EXT1: variants seen among roughly 807,000 people sequenced by gnomAD.
EXT1 encodes exostosin glycosyltransferase 1, also known as exostosin-1.
A neutral mutation model predicts 82.5 loss-of-function variants in EXT1; 20 were observed. The observed-to-expected ratio is 0.24, with a 90% CI of 0.17 to 0.35. The LOEUF (loss-of-function observed/expected upper bound fraction) is 0.35. EXT1 is among the 10% of genes least tolerant of loss of function. The pLI is 1.00. For synonymous variants in EXT1, 348 were observed against 350.8 expected (o/e 0.99, Z 0.09); for missense variants, 757 against 936.5 (o/e 0.81, Z 2.50).
intron 1 of EXT1, among the ~76,000 whole-genome samples, chr8:117,929,009 C>T (rs990438346): frequency 6.6e-6 from 1 of 152,136 alleles, no homozygotes; most frequent in African/African-American, 2.4e-5. Context: ...GATAGTGGAT[C>T]ATTTGCATTA....
chr8:117,973,889 G>GGAAA (rs1563617679), intron 1 of EXT1, among the ~76,000 whole-genome samples: 4 of 105,248 alleles, frequency 3.8e-5, no homozygotes, highest in Non-Finnish European at 5.9e-5. Context: ...AGGAAAGGAA[G>GGAAA]GAAAGGAAAG....
chr8:117,915,700 C>T (rs1357281620), intron 1 of EXT1, among the ~76,000 whole-genome samples: 1 of 152,034 alleles, frequency 6.6e-6, no homozygotes, highest in East Asian at 1.9e-4. Flanking sequence ...GCTAAAAATA[C>T]AGAAAGTTAG....
chr8:117,822,734 T>TA, intron 4 of EXT1, 137 bp from the exon 5 acceptor site: 1 of 888,624 alleles, frequency 1.1e-6, no homozygotes. Flanking sequence ...ATTCTCCGGA[T>TA]AAAAATGTCT....
intron 1 of EXT1, among the ~76,000 whole-genome samples, chr8:118,107,921 A>G (rs1038316166): frequency 6.6e-6 from 1 of 152,190 alleles, no homozygotes; most frequent in Admixed American, 6.5e-5. Flanking sequence ...TCCCTGCTAA[A>G]GAGATCCCTG....
At chr8:117,860,903 C>T (rs929454991) in intron 1 of EXT1, among the ~76,000 whole-genome samples, 4 of 152,232 alleles carry the variant, frequency 2.6e-5, no homozygotes, top group Non-Finnish European at 5.9e-5. Context: ...TCAGATACAA[C>T]TCATCTCAGA....
At position 117,819,804 on chromosome 8, in the gene EXT1, AAAG is replaced by A. The variant is rs1203626052; in HGVS notation, c.1418-13_1418-11del. The A allele has an allele frequency of 3.1e-6, 5 of 1,610,094 alleles. No individual in the cohort carries two copies. The highest frequency in any genetic ancestry group is 4.2e-6 in the Non-Finnish European group (5 of 1,176,892). On this transcript the variant is annotated splice_polypyrimidine_tract_variant and intron_variant, in intron 5 of 10. Coordinates refer to ENST00000378204, the MANE Select transcript of EXT1 (RefSeq NM_000127.3). ...GAGGGGGGCTTTAAACCTGAAATAA[AAAG>A]GAGAGTAGAGCCTAATGAAGCGCTG...
intron 1 of EXT1, among the ~76,000 whole-genome samples, chr8:117,873,454 T>A (rs897750722): frequency 4.8e-5 from 7 of 145,366 alleles, no homozygotes; most frequent in African/African-American, 1.8e-4. Context: ...TGACTTTTTT[T>A]TTTTTTTTTT....
intron 1 of EXT1, among the ~76,000 whole-genome samples, chr8:117,847,334 A>G (rs1028616925): frequency 1.3e-5 from 2 of 152,190 alleles, no homozygotes; most frequent in African/African-American, 4.8e-5. Flanking sequence ...TTACTTGGGG[A>G]ATGAAAAATC....
At chr8:117,996,489 C>T (rs1815541303) in intron 1 of EXT1, among the ~76,000 whole-genome samples, 1 of 152,226 alleles carries the variant, frequency 6.6e-6, no homozygotes, top group Non-Finnish European at 1.5e-5. Flanking sequence ...CACAACGCTG[C>T]TTCAGATGAT....
intron 1 of EXT1, among the ~76,000 whole-genome samples, chr8:118,083,263 G>A (rs796277368): frequency 5.3e-5 from 8 of 152,256 alleles, no homozygotes; most frequent in African/African-American, 1.2e-4. Flanking sequence ...CTTAATAAAC[G>A]CATACTCAAT....
chr8:117,960,296 G>A (rs1814674567), intron 1 of EXT1, among the ~76,000 whole-genome samples: 1 of 152,164 alleles, frequency 6.6e-6, no homozygotes. Flanking sequence ...CAAATTTAGT[G>A]CAATTTGCAC....
At chr8:118,017,520 T>TC (rs886201931) in intron 1 of EXT1, among the ~76,000 whole-genome samples, 169 of 152,132 alleles carry the variant, frequency 1.1e-3, no homozygotes, top group African/African-American at 4.1e-3. Context: ...CCACTGTATC[T>TC]CCCCTCACCA....
intron 1 of EXT1, among the ~76,000 whole-genome samples, chr8:117,931,669 T>C (rs1288147393): frequency 6.6e-6 from 1 of 152,238 alleles, no homozygotes; most frequent in Non-Finnish European, 1.5e-5. Flanking sequence ...TTCAAAAATA[T>C]GCTTCCAAAG....
intron 1 of EXT1, among the ~76,000 whole-genome samples, chr8:117,858,405 C>T (rs913412374): frequency 6.6e-6 from 1 of 152,190 alleles, no homozygotes; most frequent in African/African-American, 2.4e-5. Flanking sequence ...GGCACAGTGG[C>T]TCACGCCTGT....
chr8:118,108,004 A>G (rs896191850), intron 1 of EXT1, among the ~76,000 whole-genome samples: 7 of 151,960 alleles, frequency 4.6e-5, no homozygotes, highest in Admixed American at 1.3e-4. Flanking sequence ...TGAGGTCCTG[A>G]CCCCTTGTGG....
intron 10 of EXT1, among the ~76,000 whole-genome samples, chr8:117,804,111 G>A (rs975166385): frequency 6.6e-6 from 1 of 152,104 alleles, no homozygotes; most frequent in Non-Finnish European, 1.5e-5. Context: ...GAATGTTTGT[G>A]CCCCCTAATA....
intron 1 of EXT1, among the ~76,000 whole-genome samples, chr8:117,842,712 G>A (rs1272263408): frequency 6.6e-6 from 1 of 152,172 alleles, no homozygotes; most frequent in East Asian, 1.9e-4. Context: ...ACCCTTTAAA[G>A]TAAAATGGAA....
chr8:118,051,776 G>T (rs1019101299), intron 1 of EXT1, among the ~76,000 whole-genome samples: 7 of 152,180 alleles, frequency 4.6e-5, no homozygotes, highest in Admixed American at 3.3e-4. Flanking sequence ...AATATCGTAA[G>T]ATCAATCAAG....
At chr8:117,877,913 C>G (rs1812998670) in intron 1 of EXT1, among the ~76,000 whole-genome samples, 1 of 152,094 alleles carries the variant, frequency 6.6e-6, no homozygotes, top group African/African-American at 2.4e-5. Flanking sequence ...TTAAAGACAC[C>G]TTGGTTATAA....
Sources: gnomAD v4.1 joint callset for allele counts (sites outside exome capture counted in the v4.1 genomes callset) on GRCh38, gnomAD v4.1.1 for gene constraint, MANE v1.5 for transcripts, NCBI Gene and HGNC (gene_info 2026-07-23, HGNC 2026-07-21) for gene names.